ROBO2: variants seen among roughly 807,000 people sequenced by gnomAD.
ROBO2 encodes roundabout homolog 2.
ROBO2 carries 53 observed loss-of-function variants against 160.8 expected under a neutral mutation model. The observed-to-expected ratio is 0.33, with a 90% CI of 0.26 to 0.41. ROBO2 has a LOEUF of 0.41. ROBO2 is among the 10% of genes least tolerant of loss of function. The probability of loss-of-function intolerance (pLI) is 1.00; values close to 1 mark genes in which losing one functional copy is unlikely to be tolerated. For synonymous variants in ROBO2, 664 were observed against 611.7 expected, an observed-to-expected ratio of 1.09 and a Z score of -1.26; for missense variants, 1,577 against 1,722.4, an observed-to-expected ratio of 0.92 and a Z score of 1.49.
chr3:76,825,028 A>T (rs1230828975), intron 2 of ROBO2, among the ~76,000 whole-genome samples: 2 of 152,206 alleles, frequency 1.3e-5, no homozygotes, highest in Non-Finnish European at 2.9e-5. Context: ...GAGTGCTGGT[A>T]AACTTGCTGT....
At chr3:77,512,554 T>C (rs145484812) in intron 5 of ROBO2, among the ~76,000 whole-genome samples, 71 of 152,080 alleles carry the variant, frequency 4.7e-4, no homozygotes, top group Middle Eastern at 3.4e-3. Context: ...TTAGTTTGTA[T>C]GTATAAAAAA....
intron 2 of ROBO2, among the ~76,000 whole-genome samples, chr3:76,938,697 C>A (rs7650619): frequency 0.46 from 69,368 of 151,764 alleles, 16,228 homozygotes; most frequent in African/African-American, 0.56. Context: ...CGGCCAGGCG[C>A]GGTGGCTCAC....
chr3:77,176,849 A>T (rs1439343189), intron 2 of ROBO2, among the ~76,000 whole-genome samples: 3 of 151,998 alleles, frequency 2.0e-5, no homozygotes, highest in Non-Finnish European at 2.9e-5. Context: ...TATAAAACTT[A>T]CAAGTTCAAT....
intron 2 of ROBO2, among the ~76,000 whole-genome samples, chr3:76,278,740 T>G (rs1402264708): frequency 6.6e-6 from 1 of 152,028 alleles, no homozygotes; most frequent in African/African-American, 2.4e-5. Context: ...ATGATCAGGC[T>G]GTCAACACAT....
chr3:77,482,616 A>G (rs907227098), intron 4 of ROBO2, among the ~76,000 whole-genome samples: 4 of 152,174 alleles, frequency 2.6e-5, no homozygotes, highest in Admixed American at 6.5e-5. Flanking sequence ...TGTTCAAAGT[A>G]TGCATGTAAA....
At chr3:77,620,304 G>A (rs2094874544) in intron 22 of ROBO2, among the ~76,000 whole-genome samples, 1 of 152,144 alleles carries the variant, frequency 6.6e-6, no homozygotes, top group Non-Finnish European at 1.5e-5. Context: ...ATTGATTCGT[G>A]AAGTAAACAG....
intron 1 of ROBO2, among the ~76,000 whole-genome samples, chr3:75,918,549 G>T (rs547214927): frequency 9.9e-4 from 150 of 152,154 alleles, no homozygotes; most frequent in African/African-American, 3.5e-3. Flanking sequence ...ATTTAACATA[G>T]TTTTTTTCTA....
rs773893953 is a variant in ROBO2 at position 77,564,944 on chromosome 3, C to T, written c.1683-10C>T. The T allele has an allele frequency of 3.7e-6, 6 of 1,612,288 alleles. No individual in the cohort carries two copies. The highest frequency in any genetic ancestry group is 1.1e-5 in the South Asian group (1 of 90,962). On this transcript the variant is annotated splice_polypyrimidine_tract_variant and intron_variant, in intron 11 of 25. Transcript: ENST00000461745. ...CTGTTCTTTAAATGAAATTTCTGTT[C>T]GCGTTTCAGCCAATCAGTGAGCAAC...
intron 2 of ROBO2, among the ~76,000 whole-genome samples, chr3:77,370,225 T>A (rs2071535461): frequency 6.6e-6 from 1 of 152,230 alleles, no homozygotes; most frequent in South Asian, 2.1e-4. Flanking sequence ...TCTAGATAAG[T>A]GCTTTGCTCT....
At chr3:76,938,474 A>G (rs908343262) in intron 2 of ROBO2, among the ~76,000 whole-genome samples, 1 of 151,644 alleles carries the variant, frequency 6.6e-6, no homozygotes, top group Non-Finnish European at 1.5e-5. Context: ...GTAGAGCCCT[A>G]CAAAACCCAC....
chr3:76,040,551 GATA>G (rs2107761398), intron 2 of ROBO2, among the ~76,000 whole-genome samples: 1 of 151,982 alleles, frequency 6.6e-6, no homozygotes, highest in East Asian at 1.9e-4. Context: ...AAATTTCCCT[GATA>G]ATTTTATTTT....
At chr3:77,098,465 C>T in intron 2 of ROBO2, 125 bp downstream of exon 2, 1 of 1,002,934 alleles carries the variant, frequency 1.0e-6, no homozygotes, top group Non-Finnish European at 1.5e-6. Context: ...TTTACTTGGT[C>T]TTCTTCAGAG....
At chr3:76,375,758 T>C (rs567283233) in intron 2 of ROBO2, among the ~76,000 whole-genome samples, 91 of 152,158 alleles carry the variant, frequency 6.0e-4, no homozygotes, top group Middle Eastern at 3.4e-3. Context: ...TAGAAAGTAA[T>C]TTAGTCTCTT....
At chr3:76,266,251 T>G (rs1186621435) in intron 2 of ROBO2, among the ~76,000 whole-genome samples, 1 of 152,168 alleles carries the variant, frequency 6.6e-6, no homozygotes. Flanking sequence ...ATGCAATTTT[T>G]AAAGGATTAT....
At chr3:76,775,380 C>T (rs2062182031) in intron 2 of ROBO2, among the ~76,000 whole-genome samples, 1 of 150,720 alleles carries the variant, frequency 6.6e-6, no homozygotes, top group African/African-American at 2.4e-5. Context: ...TATGAATAAA[C>T]ATTGAAGCTT....
intron 2 of ROBO2, among the ~76,000 whole-genome samples, chr3:76,767,172 C>T (rs1038742295): frequency 6.6e-6 from 1 of 151,486 alleles, no homozygotes; most frequent in Non-Finnish European, 1.5e-5. Context: ...TCTCAATCAA[C>T]GGCTACTACA....
At chr3:76,793,576 T>C (rs143879320) in intron 2 of ROBO2, among the ~76,000 whole-genome samples, 47 of 151,972 alleles carry the variant, frequency 3.1e-4, no homozygotes, top group Non-Finnish European at 5.7e-4. Flanking sequence ...AGGAGTAAAA[T>C]CATAATAGTG....
intron 2 of ROBO2, among the ~76,000 whole-genome samples, chr3:76,992,703 C>T (rs1206002290): frequency 1.3e-5 from 2 of 152,160 alleles, no homozygotes; most frequent in East Asian, 3.9e-4. Flanking sequence ...CTATCTTCCC[C>T]TGCCATAGGT....
chr3:75,925,867 A>G (rs1164130539), intron 1 of ROBO2, among the ~76,000 whole-genome samples: 1 of 152,218 alleles, frequency 6.6e-6, no homozygotes, highest in Non-Finnish European at 1.5e-5. Context: ...CCAGAGCCAT[A>G]GGATTAAAAC....
Sources: gnomAD v4.1 joint callset for allele counts (sites outside exome capture counted in the v4.1 genomes callset) on GRCh38, gnomAD v4.1.1 for gene constraint, MANE v1.5 for transcripts, NCBI Gene and HGNC (gene_info 2026-07-23, HGNC 2026-07-21) for gene names.